Variants in CAMKK2 observed in about 807,000 individuals in gnomAD.
CAMKK2 encodes the protein calcium/calmodulin-dependent protein kinase kinase 2.
A neutral mutation model predicts 67.2 loss-of-function variants in CAMKK2; 30 were observed. The ratio of observed to expected loss-of-function variants is 0.45; its 90% CI spans 0.33 to 0.61. The LOEUF (loss-of-function observed/expected upper bound fraction) is 0.61. CAMKK2 is among the 20% of genes least tolerant of loss of function. The probability of loss-of-function intolerance (pLI) is 0.02; values close to 1 mark genes in which losing one functional copy is unlikely to be tolerated. For synonymous variants in CAMKK2, 322 were observed against 326.2 expected, an observed-to-expected ratio of 0.99 and a Z score of 0.14; for missense variants, 643 against 802.0, an observed-to-expected ratio of 0.80 and a Z score of 2.39.
intron 6 of CAMKK2, 86 bp downstream of exon 6, chr12:121,263,719 TG>T: frequency 7.4e-7 from 1 of 1,360,256 alleles, no homozygotes; most frequent in South Asian, 1.4e-5. Context: ...TGGTGTGACC[TG>T]GCTCTCCCTG....
chr12:121,242,116 G>A (rs1022408729), intron 16 of CAMKK2, among the ~76,000 whole-genome samples: 1 of 152,138 alleles, frequency 6.6e-6, no homozygotes, highest in African/African-American at 2.4e-5. Flanking sequence ...CAGATCACCC[G>A]AGGTCAGGAG....
At chr12:121,248,806 C>T in intron 13 of CAMKK2, 72 bp from the exon 14 acceptor site, 1 of 1,576,900 alleles carries the variant, frequency 6.3e-7, no homozygotes, top group South Asian at 1.1e-5. Context: ...GCGAGCGGAG[C>T]CACAAGGGCA....
intron 1 of CAMKK2, among the ~76,000 whole-genome samples, chr12:121,277,002 T>G (rs1896955012): frequency 6.7e-6 from 1 of 150,140 alleles, no homozygotes; most frequent in South Asian, 2.1e-4. Context: ...TGGGAGGTAG[T>G]GGGGTAAAAG....
rs1214252300 is a variant in CAMKK2, at chr12:121,285,661, A to C, written c.-60+10977T>G. 6.6e-6 allele frequency among the ~76,000 whole-genome samples: 1 copy of C among 151,964 alleles called. No individual in the cohort carries two copies. The highest frequency in any genetic ancestry group is 2.4e-5 in the African/African-American group (1 of 41,358). On this transcript the variant is annotated intron_variant, in intron 1 of 16. Transcript: ENST00000404169. This position sits in a 1 kb window ranked among gnomAD's most constrained non-coding sequence, Gnocchi z 4.1. ...TCATCGCTACAAAAATACAAAAAAA[A>C]CCTAGCTGGGCATGGTGGCGTACAC... is the stretch of plus-strand genomic sequence containing the variant.
chr12:121,288,747 C>T (rs1047730344), intron 1 of CAMKK2, among the ~76,000 whole-genome samples: 2 of 152,106 alleles, frequency 1.3e-5, no homozygotes, highest in African/African-American at 2.4e-5. Flanking sequence ...CCCTTTCCTC[C>T]GAGGACCACC....
chr12:121,270,674 G>A (rs927338460), intron 3 of CAMKK2, among the ~76,000 whole-genome samples: 1 of 152,104 alleles, frequency 6.6e-6, no homozygotes, highest in African/African-American at 2.4e-5. Context: ...AGGCGATATG[G>A]AATTTCGTTG....
chr12:121,295,236 A>G (rs745632258), intron 1 of CAMKK2, among the ~76,000 whole-genome samples: 11 of 152,200 alleles, frequency 7.2e-5, no homozygotes, highest in Non-Finnish European at 1.6e-4. Context: ...ATTACTCTTC[A>G]TTACAAAAAT....
Position 121,248,877 on chromosome 12 carries a change from CA to C in CAMKK2, c.1324-144del, listed in dbSNP as rs999057344. ...TGCAAAACAGCTGGCGAGCAGAGGG[CA>C]GGGGTGAGCAAAGGGGCGGAAACAT... is the stretch of plus-strand genomic sequence containing the variant. On this transcript the variant is annotated intron_variant, in intron 13 of 16. Transcript: ENST00000404169. 4.5e-6 allele frequency: 4 copies of C among 879,278 alleles called. No individual in the cohort carries two copies. In the African/African-American group the frequency reaches 6.7e-5, roughly 15 times the overall value. 54.5% of individuals were successfully genotyped at this position (879,278 alleles called of 1,614,324 possible).
chr12:121,258,065 C>A (rs1369315691), intron 7 of CAMKK2, among the ~76,000 whole-genome samples: 1 of 150,188 alleles, frequency 6.7e-6, no homozygotes, highest in African/African-American at 2.5e-5. Flanking sequence ...AGCTCTGTCA[C>A]CCAGACTGGA....
At chr12:121,247,967 G>A (rs1440285524) in intron 14 of CAMKK2, among the ~76,000 whole-genome samples, 1 of 152,072 alleles carries the variant, frequency 6.6e-6, no homozygotes, top group Non-Finnish European at 1.5e-5. Flanking sequence ...TGGATCCCTG[G>A]GACTCTTGGT....
In CAMKK2 at chr12:121,296,414, G is replaced by A. The variant is rs900989396; in HGVS notation, c.-60+224C>T. On this transcript the variant is annotated intron_variant, in intron 1 of 16. Transcript: ENST00000404169. This position sits in a 1 kb window ranked among gnomAD's most constrained non-coding sequence, Gnocchi z 7.1. ...AGGAGGCCATCCCGAGGCCCAGGGC[G>A]CCCAGAGGACGCGGGGGAAGGGCTG... Among the ~76,000 whole-genome samples the A allele has an allele frequency of 6.6e-6, 1 of 152,158 alleles. No individual in the cohort carries two copies. The highest frequency in any genetic ancestry group is 1.5e-5 in the Non-Finnish European group (1 of 68,006).
intron 16 of CAMKK2, among the ~76,000 whole-genome samples, chr12:121,242,055 G>A (rs944976188): frequency 2.6e-5 from 4 of 152,182 alleles, no homozygotes; most frequent in South Asian, 2.1e-4. Flanking sequence ...ACGAAGGCCG[G>A]GCACAGTGGC....
At chr12:121,277,627 TA>T (rs1897051404) in intron 1 of CAMKK2, among the ~76,000 whole-genome samples, 1 of 151,946 alleles carries the variant, frequency 6.6e-6, no homozygotes, top group African/African-American at 2.4e-5. Flanking sequence ...AGCCAGATAC[TA>T]AAGGACAAGT....
At chr12:121,276,637 G>A (rs1013671586) in intron 1 of CAMKK2, among the ~76,000 whole-genome samples, 16 of 152,090 alleles carry the variant, frequency 1.1e-4, no homozygotes, top group Non-Finnish European at 1.8e-4. Flanking sequence ...GACACCTGTG[G>A]ATGATGGCCA....
Position 121,238,546 on chromosome 12 carries a change from T to C in CAMKK2, c.*2153A>G, listed in dbSNP as rs1449637128. On this transcript the variant is annotated 3_prime_UTR_variant, in exon 17 of 17. Transcript: ENST00000404169. ...AGGTCCTTTCCACAGCTTTCTTTGG[T>C]GTTTCTTCATTAAAAGAAAAAAAAA... is the stretch of plus-strand genomic sequence containing the variant. 6.6e-6 allele frequency: 1 copy of C among 152,266 alleles called. No individual in the cohort carries two copies. The highest frequency in any genetic ancestry group is 1.9e-4 in the East Asian group (1 of 5,184). 9.4% of individuals were successfully genotyped at this position (152,266 alleles called of 1,614,324 possible).
At chr12:121,250,777 C>T (rs1171409721) in intron 11 of CAMKK2, among the ~76,000 whole-genome samples, 1 of 152,206 alleles carries the variant, frequency 6.6e-6, no homozygotes, top group Non-Finnish European at 1.5e-5. Flanking sequence ...CGTTCCTGCA[C>T]AAAGTAAGGG....
chr12:121,240,523 CCTT>C lies in CAMKK2; in HGVS notation c.*173_*175del, dbSNP rs1566023373. The stretch of plus-strand genomic sequence containing the variant: ...CACGGTCGACGTCATGGAGTCAAGT[CCTT>C]TTTTTTTTTTTGTCCCCTTTAAAAC... On this transcript the variant is annotated 3_prime_UTR_variant, in exon 17 of 17. Transcript: ENST00000404169. The surrounding 1 kb of genome is among the most constrained non-coding windows in gnomAD (Gnocchi z 4.4). 3 of 1,407,096 alleles carry C rather than the reference CCTT, an allele frequency of 2.1e-6. No homozygotes were observed. Among genetic ancestry groups the C allele is most frequent in the South Asian group, 1.3e-5 (1 of 79,510 alleles). The allele number at this position is 1,407,096 out of a possible 1,614,324, so 87.2% of individuals were successfully genotyped here.
chr12:121,268,476 ACTC>A (rs1259180654), intron 5 of CAMKK2, among the ~76,000 whole-genome samples, 159 bp downstream of exon 5: 1 of 151,492 alleles, frequency 6.6e-6, no homozygotes, highest in Non-Finnish European at 1.5e-5. Flanking sequence ...CTCACTGCAA[ACTC>A]CTCCTCCCAG....
chr12:121,281,814 C>T (rs536351858), intron 1 of CAMKK2, among the ~76,000 whole-genome samples: 4 of 152,218 alleles, frequency 2.6e-5, no homozygotes, highest in East Asian at 1.9e-4. Context: ...GGTGTGGTGG[C>T]GGGCGCCTGT....
Sources: allele counts gnomAD v4.1 joint callset (sites outside exome capture counted in the v4.1 genomes callset), GRCh38; gene constraint gnomAD v4.1.1; non-coding constraint Gnocchi (gnomAD v3.1); transcripts MANE v1.5; gene names NCBI Gene and HGNC (gene_info 2026-07-23, HGNC 2026-07-21).